Variants in WIPF3 observed in about 807,000 individuals in gnomAD.
WIPF3 encodes the protein WAS/WASL interacting protein family member 3.
A neutral mutation model predicts 38.9 loss-of-function variants in WIPF3; 33 were observed. The ratio of observed to expected loss-of-function variants is 0.85; its 90% CI spans 0.64 to 1.14. WIPF3 has a LOEUF of 1.14. WIPF3 is among the 50% of genes most tolerant of loss of function. The probability of loss-of-function intolerance (pLI) is 0.00; values close to 1 mark genes in which losing one functional copy is unlikely to be tolerated. For missense variants in WIPF3, 711 were observed against 652.5 expected (o/e 1.09, Z -0.98); for synonymous variants, 324 against 269.3 (o/e 1.20, Z -1.99).
At chr7:29,813,951 C>T (rs1333259497) in intron 1 of WIPF3, among the ~76,000 whole-genome samples, 3 of 146,302 alleles carry the variant, frequency 2.1e-5, no homozygotes, top group Non-Finnish European at 3.0e-5. Context: ...GACAGGGTTT[C>T]GCTCTGTCAC....
rs777421664 is a variant in WIPF3 at position 29,884,101 on chromosome 7, C to T, written c.607C>T (p.Pro203Ser). 6 of 1,498,930 alleles carry T rather than the reference C, an allele frequency of 4.0e-6. No homozygotes were observed. The highest frequency in any genetic ancestry group is 1.3e-5 in the South Asian group (1 of 79,602). The allele number at this position is 1,498,930 out of a possible 1,614,324, so 92.9% of individuals were successfully genotyped here. A position where few individuals can be genotyped will look rare whatever the true frequency, so the allele number is the denominator to read the frequency against. ...SSPIKTPLVS[P>S]PGPLTKGNLP... is the part of the protein sequence containing the mutation. ...CCCCATCAAAACTCCGCTTGTGTCC[C>T]CACCCGGCCCACTGACCAAAGGGAA... Residue 203 changes from proline to serine, a missense_variant, in exon 5 of 9, where the codon CCA (proline) becomes TCA (serine). Coordinates refer to ENST00000242140, the MANE Select transcript of WIPF3 (RefSeq NM_001080529.3).
intron 2 of WIPF3, among the ~76,000 whole-genome samples, chr7:29,843,711 G>A (rs1265614195): frequency 6.6e-6 from 1 of 152,174 alleles, no homozygotes; most frequent in Non-Finnish European, 1.5e-5. Flanking sequence ...TGCTTGCGAA[G>A]GTCACCATCG....
chr7:29,843,164 T>C (rs552102811), intron 2 of WIPF3, among the ~76,000 whole-genome samples: 2 of 152,322 alleles, frequency 1.3e-5, no homozygotes, highest in African/African-American at 4.8e-5. Context: ...ATGGCTTTAG[T>C]GAAAAATGAG....
chr7:29,847,328 G>T (rs1234725375), intron 2 of WIPF3, among the ~76,000 whole-genome samples: 1 of 152,134 alleles, frequency 6.6e-6, no homozygotes, highest in African/African-American at 2.4e-5. Flanking sequence ...GGGAAGTCAG[G>T]CCGGCAGTCT....
At chr7:29,894,968 T>C (rs570031365) in intron 7 of WIPF3, among the ~76,000 whole-genome samples, 9 of 152,248 alleles carry the variant, frequency 5.9e-5, no homozygotes, top group African/African-American at 2.2e-4. Flanking sequence ...TGTTTCATTT[T>C]TTTGAGGCAG....
intron 2 of WIPF3, among the ~76,000 whole-genome samples, chr7:29,856,376 C>T (rs190514762): frequency 1.6e-4 from 24 of 152,244 alleles, no homozygotes; most frequent in African/African-American, 5.8e-4. Context: ...ACCTGCAATC[C>T]CAGCACTTTG....
At position 29,848,328 on chromosome 7, in the gene WIPF3, C is replaced by T. The variant is rs368084274; in HGVS notation, c.90+13514C>T. Among the ~76,000 whole-genome samples the T allele has an allele frequency of 3.4e-3, 524 of 152,188 alleles. 1 individual carries two copies. Among genetic ancestry groups the T allele is most frequent in the African/African-American group, 0.012 (502 of 41,540 alleles). On this transcript the variant is annotated intron_variant, in intron 2 of 8. Transcript: ENST00000242140. ...GAGAGGACTTTGTTTTCTAAGCTGCCGTTGGTTCGTCATTTCACAAGCAGC... is the reference window on the plus strand; with the variant it reads ...GAGAGGACTTTGTTTTCTAAGCTGCTGTTGGTTCGTCATTTCACAAGCAGC...
At chr7:29,884,811 C>G (rs1785838847) in intron 5 of WIPF3, among the ~76,000 whole-genome samples, 1 of 152,208 alleles carries the variant, frequency 6.6e-6, no homozygotes, top group Non-Finnish European at 1.5e-5. Context: ...CACTTGGCCT[C>G]TCTGTTCTCC....
In WIPF3 at chr7:29,884,304, T is replaced by C. The variant is rs938113082; in HGVS notation, c.810T>C (p.Cys270=). ...CCCCGCTCCCTCTGCTCCCACCTTG[T>C]GGGTATCCGGGGCTCAAAGCGGAGC... is the stretch of plus-strand genomic sequence containing the variant. The part of the protein sequence containing the change: ...IPPPLPLLPP[C]GYPGLKAEPA... Residue 270 remains cysteine, a synonymous_variant, in exon 5 of 9, where the codon TGT becomes TGC. Transcript: ENST00000242140. 1 of 1,328,046 alleles carries C rather than the reference T, an allele frequency of 7.5e-7. No homozygotes were observed. The highest frequency in any genetic ancestry group is 1.6e-5 in the African/African-American group (1 of 60,958). The allele number at this position is 1,328,046 out of a possible 1,614,324, so 82.3% of individuals were successfully genotyped here.
intron 2 of WIPF3, among the ~76,000 whole-genome samples, chr7:29,868,995 C>T (rs1785442898): frequency 6.6e-6 from 1 of 152,080 alleles, no homozygotes; most frequent in Non-Finnish European, 1.5e-5. Context: ...GCACAACATC[C>T]TGGCAATCTT....
chr7:29,810,277 A>G (rs62459986), intron 1 of WIPF3, among the ~76,000 whole-genome samples: 17,447 of 152,126 alleles, frequency 0.11, 1,106 homozygotes, highest in African/African-American at 0.16. Context: ...TCTTTTATCA[A>G]CCCACTCATA....
chr7:29,876,936 C>G (rs1338838906), intron 3 of WIPF3, among the ~76,000 whole-genome samples: 2 of 151,876 alleles, frequency 1.3e-5, no homozygotes, highest in Non-Finnish European at 2.9e-5. Flanking sequence ...ATACCTGGCT[C>G]CTTTTTTTTT....
rs1785543693 is a variant in WIPF3, at chr7:29,874,086, A to G, written c.91-1744A>G. On this transcript the variant is annotated intron_variant, in intron 2 of 8. Coordinates refer to ENST00000242140, the MANE Select transcript of WIPF3 (RefSeq NM_001080529.3). ...TCTTGGTGGCCTTCCTCTCTGGGGA[A>G]CCAGCATGGCTGCCCAGTCCTGTGC... 2.0e-5 allele frequency among the ~76,000 whole-genome samples: 3 copies of G among 152,178 alleles called. No homozygotes were observed. The South Asian group carries it at 6.2e-4, about 32-fold the overall frequency.
At position 29,916,267 on chromosome 7, in the gene WIPF3, A is replaced by G. The variant is rs762021845; in HGVS notation, c.*1751A>G. 1 of 152,174 alleles carries G rather than the reference A, an allele frequency of 6.6e-6. No individual in the cohort carries two copies. Among genetic ancestry groups the G allele is most frequent in the Non-Finnish European group, 1.5e-5 (1 of 68,036 alleles). 9.4% of individuals were successfully genotyped at this position (152,174 alleles called of 1,614,324 possible). On this transcript the variant is annotated 3_prime_UTR_variant, in exon 9 of 9. Transcript: ENST00000242140. ...TAACAGTGTCCACTCCACTGCCCTC[A>G]CAGTTGTGTAAAATAATTATAGAAG...
chr7:29,857,811 T>A (rs1267062709), intron 2 of WIPF3, among the ~76,000 whole-genome samples: 1 of 152,220 alleles, frequency 6.6e-6, no homozygotes, highest in African/African-American at 2.4e-5. Context: ...CACAGCAAAA[T>A]TGAGCACAAA....
At chr7:29,866,612 C>G (rs191365627) in intron 2 of WIPF3, among the ~76,000 whole-genome samples, 5 of 152,270 alleles carry the variant, frequency 3.3e-5, no homozygotes, top group African/African-American at 1.2e-4. Context: ...TCATCAGGCT[C>G]TTCTCAGAGC....
intron 2 of WIPF3, among the ~76,000 whole-genome samples, chr7:29,859,471 TGTGA>T (rs1785239725): frequency 6.6e-6 from 1 of 152,210 alleles, no homozygotes; most frequent in African/African-American, 2.4e-5. Flanking sequence ...GAATGCTTTA[TGTGA>T]GTGTTTTGGG....
intron 1 of WIPF3, among the ~76,000 whole-genome samples, chr7:29,816,482 T>TTTTTA (rs1168489016): frequency 2.0e-5 from 3 of 150,094 alleles, no homozygotes; most frequent in Middle Eastern, 3.5e-3. Context: ...CTAATTTTTA[T>TTTTTA]TTTTATTTTA....
Position 29,884,090 on chromosome 7 carries a change from C to G in WIPF3, c.596C>G (p.Pro199Arg), listed in dbSNP as rs1785789555. The change falls in exon 5 of 9, where the codon CCG becomes CGG. Residue 199 changes from proline (P) to arginine (R), a missense_variant. Pro to Arg is a moderately radical substitution (Grantham distance 103). Coordinates refer to ENST00000242140, the MANE Select transcript of WIPF3 (RefSeq NM_001080529.3). ...PLPSSSPIKT[P>R]LVSPPGPLTK... ...CCCTCTTCCTCCCCCATCAAAACTC[C>G]GCTTGTGTCCCCACCCGGCCCACTG... 1.9e-5 allele frequency: 28 copies of G among 1,501,488 alleles called. No individual in the cohort carries two copies. Among genetic ancestry groups the G allele is most frequent in the Non-Finnish European group, 2.5e-5 (28 of 1,122,512 alleles). The allele number at this position is 1,501,488 out of a possible 1,614,324, so 93.0% of individuals were successfully genotyped here.
Sources: gnomAD v4.1 joint callset for allele counts (sites outside exome capture counted in the v4.1 genomes callset) on GRCh38, gnomAD v4.1.1 for gene constraint, MANE v1.5 for transcripts, NCBI Gene and HGNC (gene_info 2026-07-23, HGNC 2026-07-21) for gene names.